The following RBFOX1 variants were observed in gnomAD, a reference collection of about 807,000 sequenced individuals.
RBFOX1 encodes the protein RNA binding fox-1 homolog 1.
RBFOX1 carries 8 observed loss-of-function variants against 57.7 expected under a neutral mutation model. The observed-to-expected ratio is 0.14, with a 90% confidence interval of 0.08 to 0.25. The LOEUF (loss-of-function observed/expected upper bound fraction) is 0.25. Ranked by LOEUF, RBFOX1 falls within the 10% of genes least tolerant of loss-of-function variation. The probability of loss-of-function intolerance (pLI) is 1.00; values close to 1 mark genes in which losing one functional copy is unlikely to be tolerated. For synonymous variants in RBFOX1, 326 were observed against 222.4 expected (o/e 1.47, Z -4.15); for missense variants, 611 against 548.5 (o/e 1.11, Z -1.14).
chr16:7,598,822 C>G (rs889722043), intron 9 of RBFOX1, among the ~76,000 whole-genome samples: 1 of 152,092 alleles, frequency 6.6e-6, no homozygotes, highest in Admixed American at 6.6e-5. Flanking sequence ...TGTAATATTA[C>G]ACAAAACAGA....
intron 3 of RBFOX1, among the ~76,000 whole-genome samples, chr16:6,925,002 A>G (rs969779403): frequency 1.3e-4 from 20 of 150,978 alleles, no homozygotes; most frequent in African/African-American, 4.9e-4. Context: ...CCATGTCCGT[A>G]CAAAGGACAT....
At chr16:5,913,946 G>A (rs569695559) in intron 4 of RBFOX1, among the ~76,000 whole-genome samples, 6 of 152,294 alleles carry the variant, frequency 3.9e-5, no homozygotes, top group South Asian at 2.1e-4. Flanking sequence ...CTCTCATTCC[G>A]TCATGAGGAC....
chr16:7,611,204 AAATC>A (rs1359370501), intron 10 of RBFOX1, among the ~76,000 whole-genome samples: 2 of 152,210 alleles, frequency 1.3e-5, no homozygotes, highest in Non-Finnish European at 2.9e-5. Context: ...TTGTAAATTA[AAATC>A]AATATTTTCA....
At chr16:7,192,913 G>C (rs1315954376) in intron 4 of RBFOX1, among the ~76,000 whole-genome samples, 1 of 152,194 alleles carries the variant, frequency 6.6e-6, no homozygotes, top group African/African-American at 2.4e-5. Context: ...ACCCTCTTCT[G>C]AGAACAATGT....
At chr16:7,238,150 C>CAA (rs1603429671) in intron 4 of RBFOX1, among the ~76,000 whole-genome samples, 1 of 152,034 alleles carries the variant, frequency 6.6e-6, no homozygotes, top group African/African-American at 2.4e-5. Flanking sequence ...TTCACAAAGA[C>CAA]AAAAAGTGGC....
At chr16:6,361,646 T>A (rs950514244) in intron 2 of RBFOX1, among the ~76,000 whole-genome samples, 22 of 145,796 alleles carry the variant, frequency 1.5e-4, no homozygotes, top group African/African-American at 5.6e-4. Flanking sequence ...AAAAAAAAAA[T>A]CATGGTCAAT....
intron 12 of RBFOX1, among the ~76,000 whole-genome samples, chr16:7,660,781 G>A (rs1168955470): frequency 2.0e-5 from 3 of 152,154 alleles, no homozygotes; most frequent in Non-Finnish European, 4.4e-5. Context: ...GGCTGGGCAT[G>A]GGGCCCAGCC....
At chr16:7,075,723 G>T (rs921689341) in intron 4 of RBFOX1, among the ~76,000 whole-genome samples, 1 of 152,104 alleles carries the variant, frequency 6.6e-6, no homozygotes, top group Admixed American at 6.5e-5. Flanking sequence ...TGGGACTACA[G>T]GTGCCTGCCA....
At chr16:6,271,019 A>C (rs771053054) in intron 1 of RBFOX1, among the ~76,000 whole-genome samples, 1 of 152,224 alleles carries the variant, frequency 6.6e-6, no homozygotes, top group Non-Finnish European at 1.5e-5. Flanking sequence ...ATACATCACA[A>C]TTTGTGGGAC....
chr16:7,203,543 T>C (rs762341532), intron 4 of RBFOX1, among the ~76,000 whole-genome samples: 4 of 152,236 alleles, frequency 2.6e-5, no homozygotes, highest in Middle Eastern at 3.2e-3. Context: ...ACTTTTATGT[T>C]GTATTTGTGT....
At chr16:5,440,090 G>A (rs911970372) in intron 1 of RBFOX1, among the ~76,000 whole-genome samples, 1 of 152,206 alleles carries the variant, frequency 6.6e-6, no homozygotes, top group African/African-American at 2.4e-5. Flanking sequence ...CTCCTGAAAT[G>A]AGTGTCATGT....
At chr16:7,443,292 A>G (rs2098783475) in intron 4 of RBFOX1, among the ~76,000 whole-genome samples, 2 of 152,124 alleles carry the variant, frequency 1.3e-5, no homozygotes, top group Non-Finnish European at 2.9e-5. Context: ...GTGGCTTAGA[A>G]GGTTACAGAA....
chr16:5,301,908 T>C (rs949944025), intron 1 of RBFOX1, among the ~76,000 whole-genome samples: 3 of 152,166 alleles, frequency 2.0e-5, no homozygotes, highest in African/African-American at 4.8e-5. Flanking sequence ...AACCAGCTTT[T>C]GTTGATTTTC....
At chr16:6,914,454 T>G (rs2072568644) in intron 3 of RBFOX1, among the ~76,000 whole-genome samples, 1 of 151,932 alleles carries the variant, frequency 6.6e-6, no homozygotes. Context: ...ACTTTTGCAT[T>G]AATAAGAACA....
chr16:7,214,462 C>G (rs2091692996), intron 4 of RBFOX1, among the ~76,000 whole-genome samples: 1 of 152,002 alleles, frequency 6.6e-6, no homozygotes, highest in African/African-American at 2.4e-5. Context: ...TCTTGCCATG[C>G]CTCTCCGATC....
chr16:7,092,020 T>TAAATGAGTAAATTTA (rs2060944688), intron 4 of RBFOX1, among the ~76,000 whole-genome samples: 1 of 152,130 alleles, frequency 6.6e-6, no homozygotes, highest in Non-Finnish European at 1.5e-5. Flanking sequence ...GTAAAATTAG[T>TAAATGAGTAAATTTA]CAATGAGAAA....
intron 4 of RBFOX1, among the ~76,000 whole-genome samples, chr16:7,290,945 C>T (rs67218083): frequency 0.44 from 67,186 of 152,112 alleles, 17,662 homozygotes; most frequent in East Asian, 0.82. Flanking sequence ...TCCTTGCCTC[C>T]ATCTCAATAT....
In RBFOX1 at chr16:5,946,184, G is replaced by A. The variant is rs1458826136; in HGVS notation, c.351+78849G>A. Reference sequence around the variant, plus strand: ...AGGATGTGATGGAAAGTGCACAGACGGCCCGAGGTGGGGGCCAGGCTCTGC... The same window carrying A: ...AGGATGTGATGGAAAGTGCACAGACAGCCCGAGGTGGGGGCCAGGCTCTGC... On this transcript the variant is annotated intron_variant, in intron 4 of 19. Transcript: ENST00000641259. The surrounding 1 kb of genome is among the most constrained non-coding windows in gnomAD (Gnocchi z 4.6). 3.3e-5 allele frequency among the ~76,000 whole-genome samples: 5 copies of A among 152,242 alleles called. No individual in the cohort carries two copies. The highest frequency in any genetic ancestry group is 4.2e-4 in the South Asian group (2 of 4,818).
chr16:5,809,701 A>C (rs1392812966), intron 3 of RBFOX1, among the ~76,000 whole-genome samples: 2 of 152,204 alleles, frequency 1.3e-5, no homozygotes, highest in Non-Finnish European at 1.5e-5. Flanking sequence ...ATGTGGAGAA[A>C]TAGGAACACT....
Sources: gnomAD v4.1 joint callset for allele counts (sites outside exome capture counted in the v4.1 genomes callset) on GRCh38, gnomAD v4.1.1 for gene constraint, Gnocchi (gnomAD v3.1) non-coding constraint, MANE v1.5 for transcripts, NCBI Gene and HGNC (gene_info 2026-07-23, HGNC 2026-07-21) for gene names.